Variants in DTNB observed in about 807,000 individuals in gnomAD.
The protein encoded by DTNB is dystrobrevin beta.
DTNB carries 63 observed loss-of-function variants against 90.7 expected under a neutral mutation model. That is an observed-to-expected ratio of 0.69 (90% CI 0.57 to 0.86). The LOEUF is 0.86. DTNB is among the 40% of genes least tolerant of loss of function. The pLI, the probability that DTNB is intolerant of heterozygous loss-of-function variation, is 0.00. For missense variants in DTNB, 744 were observed against 807.1 expected (o/e 0.92, Z 0.95); for synonymous variants, 277 against 286.7 (o/e 0.97, Z 0.34).
At chr2:25,502,512 C>A (rs1435870795) in intron 9 of DTNB, among the ~76,000 whole-genome samples, 1 of 151,548 alleles carries the variant, frequency 6.6e-6, no homozygotes, top group African/African-American at 2.4e-5. Context: ...GCAGGAAGAT[C>A]GCGAGGATCA....
chr2:25,629,574 T>G (rs2075232631), intron 3 of DTNB, among the ~76,000 whole-genome samples: 1 of 152,056 alleles, frequency 6.6e-6, no homozygotes, highest in Non-Finnish European at 1.5e-5. Flanking sequence ...TAAATATAAG[T>G]GGATGACAAT....
chr2:25,647,495 G>C (rs866552345), intron 2 of DTNB, among the ~76,000 whole-genome samples: 1 of 152,176 alleles, frequency 6.6e-6, no homozygotes, highest in Admixed American at 6.5e-5. Context: ...CAAATTCAAA[G>C]ATTCTAGATC....
intron 9 of DTNB, among the ~76,000 whole-genome samples, chr2:25,500,500 T>G (rs1192870028): frequency 6.6e-6 from 1 of 152,082 alleles, no homozygotes; most frequent in African/African-American, 2.4e-5. Context: ...CAAAAGAACC[T>G]AAAAGAAATG....
chr2:25,385,661 A>G (rs2039261698), intron 18 of DTNB, among the ~76,000 whole-genome samples: 1 of 152,208 alleles, frequency 6.6e-6, no homozygotes, highest in Non-Finnish European at 1.5e-5. Context: ...TCTGATAAGC[A>G]CAGGCTACAT....
intron 7 of DTNB, among the ~76,000 whole-genome samples, chr2:25,580,269 C>A (rs2061368425): frequency 6.6e-6 from 1 of 152,086 alleles, no homozygotes; most frequent in Admixed American, 6.6e-5. Context: ...GTGTGAGCCA[C>A]CATGCCCAGC....
chr2:25,650,267 G>C, intron 2 of DTNB: 1 of 982,604 alleles, frequency 1.0e-6, no homozygotes, highest in Non-Finnish European at 1.2e-6. Context: ...TACTAACATG[G>C]AAGTTTCATG....
intron 10 of DTNB, among the ~76,000 whole-genome samples, chr2:25,470,362 C>G (rs1016742391): frequency 4.0e-5 from 6 of 150,744 alleles, no homozygotes; most frequent in Non-Finnish European, 7.4e-5. Flanking sequence ...TAGATTCTTA[C>G]ACGACAATTT....
At chr2:25,567,699 C>T (rs1407390837) in intron 8 of DTNB, among the ~76,000 whole-genome samples, 3 of 152,136 alleles carry the variant, frequency 2.0e-5, no homozygotes, top group Non-Finnish European at 4.4e-5. Context: ...ATCTGTGGTA[C>T]AGGCGTATTT....
At chr2:25,410,805 A>G (rs535552119) in intron 16 of DTNB, among the ~76,000 whole-genome samples, 1 of 152,246 alleles carries the variant, frequency 6.6e-6, no homozygotes, top group East Asian at 1.9e-4. Context: ...GATAATCAAT[A>G]GCTTATGTTA....
At chr2:25,673,042 C>T (rs996268752) in intron 1 of DTNB, 7 of 152,368 alleles carry the variant, frequency 4.6e-5, no homozygotes, top group African/African-American at 1.7e-4. Flanking sequence ...AACGCAGAGC[C>T]GCCTCCAGGC....
chr2:25,560,290 C>T (rs997258035), intron 8 of DTNB, among the ~76,000 whole-genome samples: 2 of 152,140 alleles, frequency 1.3e-5, no homozygotes, highest in Admixed American at 6.5e-5. Flanking sequence ...TTTGACTGGG[C>T]TATGAGAAGC....
chr2:25,427,039 G>A lies in DTNB; in HGVS notation c.1554+496C>T, dbSNP rs535122853. On this transcript the variant is annotated intron_variant, in intron 15 of 20. Coordinates refer to ENST00000406818, the MANE Select transcript of DTNB (RefSeq NM_021907.5). ...AAAAATACAAAAAAATTAGCTGGGC[G>A]TGGTGGTGGGCGCCTGTAATCCCAG... Among the ~76,000 whole-genome samples the A allele has an allele frequency of 4.6e-5, 7 of 152,186 alleles. No individual in the cohort carries two copies. The South Asian group carries it at 1.2e-3, about 27-fold the overall frequency.
chr2:25,402,092 T>A (rs1366939232), intron 16 of DTNB, among the ~76,000 whole-genome samples: 1 of 152,204 alleles, frequency 6.6e-6, no homozygotes, highest in Non-Finnish European at 1.5e-5. Flanking sequence ...AAGAAAAAGT[T>A]AAAAACCCCA....
At chr2:25,382,833 T>TCTC (rs1181095125) in intron 19 of DTNB, among the ~76,000 whole-genome samples, 1 of 152,028 alleles carries the variant, frequency 6.6e-6, no homozygotes, top group African/African-American at 2.4e-5. Flanking sequence ...CTGGCCTAAA[T>TCTC]CTCTGCCGTT....
intron 8 of DTNB, among the ~76,000 whole-genome samples, chr2:25,565,464 G>A (rs1274528540): frequency 2.0e-4 from 30 of 151,998 alleles, no homozygotes; most frequent in Admixed American, 1.8e-3. Flanking sequence ...TGCTCAGGCT[G>A]GTCTCGAATT....
At chr2:25,520,413 A>G (rs2150787930) in intron 9 of DTNB, among the ~76,000 whole-genome samples, 1 of 152,334 alleles carries the variant, frequency 6.6e-6, no homozygotes, top group Middle Eastern at 3.4e-3. Flanking sequence ...GGCTGTAAAC[A>G]GCAAGGCAAT....
chr2:25,427,221 ACAC>A (rs1246930068), intron 15 of DTNB, among the ~76,000 whole-genome samples: 1 of 148,578 alleles, frequency 6.7e-6, no homozygotes, highest in East Asian at 1.9e-4. Context: ...ACACACACAC[ACAC>A]TACTTTAAGT....
chr2:25,446,921 C>T (rs976710570), intron 12 of DTNB, among the ~76,000 whole-genome samples: 1 of 152,072 alleles, frequency 6.6e-6, no homozygotes, highest in Non-Finnish European at 1.5e-5. Context: ...GATTTTTCAT[C>T]TTTCTGTGTT....
At chr2:25,646,802 G>GT (rs2079554050) in intron 2 of DTNB, among the ~76,000 whole-genome samples, 1 of 152,012 alleles carries the variant, frequency 6.6e-6, no homozygotes, top group African/African-American at 2.4e-5. Context: ...CGACTACCTT[G>GT]GGCACATGTT....
Sources: gnomAD v4.1 joint callset for allele counts (sites outside exome capture counted in the v4.1 genomes callset) on GRCh38, gnomAD v4.1.1 for gene constraint, MANE v1.5 for transcripts, NCBI Gene and HGNC (gene_info 2026-07-23, HGNC 2026-07-21) for gene names.